GSG1L: variants seen among roughly 807,000 people sequenced by gnomAD.
GSG1L encodes GSG1 like, also known as germ cell-specific gene 1-like protein.
Under a neutral mutation model 42.1 loss-of-function variants are expected in GSG1L, and 24 were observed. The ratio of observed to expected loss-of-function variants is 0.57; its 90% CI spans 0.41 to 0.80. The LOEUF (loss-of-function observed/expected upper bound fraction) is 0.80. Ranked by LOEUF, GSG1L falls within the 30% of genes least tolerant of loss-of-function variation. The pLI is 0.00. For missense variants in GSG1L, 445 were observed against 472.2 expected, an observed-to-expected ratio of 0.94 and a Z score of 0.53; for synonymous variants, 215 against 203.5, an observed-to-expected ratio of 1.06 and a Z score of -0.48.
chr16:27,854,352 A>C, intron 3 of GSG1L, among the ~76,000 whole-genome samples: 1 of 96,406 alleles, frequency 1.0e-5, no homozygotes, highest in African/African-American at 4.1e-5. Context: ...GGACGGAAGG[A>C]GGAGGAGGGG....
intron 1 of GSG1L, among the ~76,000 whole-genome samples, chr16:27,987,133 C>T (rs2085394222): frequency 6.6e-6 from 1 of 151,488 alleles, no homozygotes; most frequent in African/African-American, 2.4e-5. Flanking sequence ...AGAAGAATTG[C>T]TTGAACCCGG....
rs76965128 is a variant in GSG1L at position 27,802,019 on chromosome 16, C to T, written c.898+5468G>A. ...CATCATGATAGCCCTGGAGGTCCTG[C>T]CAAGGGGTATCACCCTGGCTAAGTC... On this transcript the variant is annotated intron_variant, in intron 6 of 6. Transcript: ENST00000447459. Among the ~76,000 whole-genome samples, 954 of 152,200 alleles carry T rather than the reference C, an allele frequency of 6.3e-3. 8 individuals carry two copies. Among genetic ancestry groups the T allele is most frequent in the Non-Finnish European group, 0.01 (685 of 67,996 alleles).
intron 2 of GSG1L, among the ~76,000 whole-genome samples, chr16:27,888,467 TC>T (rs1567505762): frequency 0.14 from 9,916 of 70,444 alleles, 1,565 homozygotes; most frequent in Admixed American, 0.22. Flanking sequence ...TTTCTTTCTC[TC>T]TCTCTCTCTC....
chr16:27,803,858 A>G (rs1428218473), intron 6 of GSG1L, among the ~76,000 whole-genome samples: 1 of 149,084 alleles, frequency 6.7e-6, no homozygotes, highest in Non-Finnish European at 1.5e-5. Context: ...TAGATGGTAG[A>G]TAGGATAGAT....
chr16:27,822,166 C>T (rs997069979), intron 5 of GSG1L, among the ~76,000 whole-genome samples: 2 of 152,114 alleles, frequency 1.3e-5, no homozygotes, highest in Non-Finnish European at 2.9e-5. Context: ...TCATAAAGTC[C>T]TCACAACAAA....
At chr16:27,899,217 C>T (rs185378047) in intron 2 of GSG1L, among the ~76,000 whole-genome samples, 6 of 152,336 alleles carry the variant, frequency 3.9e-5, no homozygotes, top group East Asian at 3.9e-4. Flanking sequence ...TGGAACATAG[C>T]GGAGAAAAGC....
chr16:28,057,324 G>A (rs1380419239), intron 1 of GSG1L, among the ~76,000 whole-genome samples: 7 of 152,116 alleles, frequency 4.6e-5, no homozygotes, highest in Admixed American at 6.5e-5. Flanking sequence ...CTGATTGACC[G>A]GCTGGCAGGT....
rs71140916 is a variant in GSG1L, at chr16:27,874,441, C to CTTTTTTTTTTT, written c.550+10034_550+10044dup. On this transcript the variant is annotated intron_variant, in intron 3 of 6. Coordinates refer to ENST00000447459, the MANE Select transcript of GSG1L (RefSeq NM_001109763.2). The stretch of plus-strand genomic sequence containing the variant: ...TCTGGACACTGAAGCACAGGAGAGC[C>CTTTTTTTTTTT]TTTTTTTTTTTTTTTTTTTTTTTTT... 6.1e-3 allele frequency among the ~76,000 whole-genome samples: 573 copies of CTTTTTTTTTTT among 94,344 alleles called. 90 individuals carry two copies. The highest frequency in any genetic ancestry group is 0.015 in the East Asian group (35 of 2,268). The allele number at this position is 94,344 out of a possible 152,430, so 61.9% of individuals were successfully genotyped here.
At chr16:28,053,562 G>T (rs2086242972) in intron 1 of GSG1L, among the ~76,000 whole-genome samples, 2 of 152,146 alleles carry the variant, frequency 1.3e-5, no homozygotes, top group Admixed American at 1.3e-4. Flanking sequence ...AGGCCTCAAG[G>T]AGTCACTTCC....
In GSG1L at chr16:27,863,476, T is replaced by G. The variant is rs188664397; in HGVS notation, c.551-18415A>C. On this transcript the variant is annotated intron_variant, in intron 3 of 6. Coordinates refer to ENST00000447459, the MANE Select transcript of GSG1L (RefSeq NM_001109763.2). ...TTCCACCTTTCTATGTCTTTTAAAG[T>G]GTGCCTCTTGTATGGTTGGATCTTG... 3 of 152,368 alleles carry G rather than the reference T, an allele frequency of 2.0e-5. No homozygotes were observed. In the East Asian group the frequency reaches 5.8e-4, roughly 29 times the overall value. The allele number at this position is 152,368 out of a possible 1,614,324, so 9.4% of individuals were successfully genotyped here.
At chr16:27,816,298 A>G (rs2083093048) in intron 5 of GSG1L, among the ~76,000 whole-genome samples, 1 of 152,194 alleles carries the variant, frequency 6.6e-6, no homozygotes, top group Non-Finnish European at 1.5e-5. Flanking sequence ...AAGGGCTTCA[A>G]AGGTATCGAA....
intron 2 of GSG1L, among the ~76,000 whole-genome samples, chr16:27,899,527 G>T (rs937867666): frequency 9.9e-5 from 15 of 152,138 alleles, no homozygotes; most frequent in African/African-American, 3.1e-4. Context: ...GGCCAGCCTG[G>T]GCAACACAGT....
chr16:27,909,635 CT>C (rs10709968), intron 2 of GSG1L, among the ~76,000 whole-genome samples: 26,810 of 88,504 alleles, frequency 0.3, 2,731 homozygotes, highest in Non-Finnish European at 0.36. Context: ...CTGCACCCAG[CT>C]TTTTTTTTTT....
At chr16:27,818,949 G>T (rs984336211) in intron 5 of GSG1L, among the ~76,000 whole-genome samples, 23 of 152,042 alleles carry the variant, frequency 1.5e-4, no homozygotes, top group African/African-American at 4.8e-4. Flanking sequence ...TCCAATACTG[G>T]GTTTTAAAAA....
chr16:28,041,339 C>T (rs755236504), intron 1 of GSG1L, among the ~76,000 whole-genome samples: 1 of 151,998 alleles, frequency 6.6e-6, no homozygotes, highest in African/African-American at 2.4e-5. Context: ...TAGTCCCCAG[C>T]TACTTGAAGG....
intron 6 of GSG1L, among the ~76,000 whole-genome samples, chr16:27,793,238 G>A (rs912218734): frequency 6.6e-6 from 1 of 152,198 alleles, no homozygotes; most frequent in Non-Finnish European, 1.5e-5. Flanking sequence ...GAGTCAAAGA[G>A]GAAGATGGTT....
intron 5 of GSG1L, among the ~76,000 whole-genome samples, chr16:27,816,026 G>A (rs372563571): frequency 3.9e-5 from 6 of 152,282 alleles, no homozygotes; most frequent in African/African-American, 1.2e-4. Context: ...TGAGAACACT[G>A]CCTGGTGCTT....
chr16:27,823,111 A>C (rs1204971856), intron 5 of GSG1L, among the ~76,000 whole-genome samples: 2 of 152,138 alleles, frequency 1.3e-5, no homozygotes, highest in Admixed American at 6.5e-5. Flanking sequence ...CCAATCTGCA[A>C]ATATTTACCT....
At chr16:27,904,401 T>C (rs748876412) in intron 2 of GSG1L, among the ~76,000 whole-genome samples, 3 of 152,114 alleles carry the variant, frequency 2.0e-5, no homozygotes, top group Non-Finnish European at 4.4e-5. Flanking sequence ...CACTTCTCAG[T>C]GATGTCTTCC....
Sources: gnomAD v4.1 joint callset for allele counts (sites outside exome capture counted in the v4.1 genomes callset) on GRCh38, gnomAD v4.1.1 for gene constraint, MANE v1.5 for transcripts, NCBI Gene and HGNC (gene_info 2026-07-23, HGNC 2026-07-21) for gene names.